Variants in BIRC6 observed in about 807,000 individuals in gnomAD.
BIRC6 encodes dual E2 ubiquitin-conjugating enzyme/E3 ubiquitin-protein ligase BIRC6.
In BIRC6, 98 loss-of-function variants were observed where a neutral mutation model predicts 503.3. That is an observed-to-expected ratio of 0.19 (90% CI 0.17 to 0.23). The LOEUF (loss-of-function observed/expected upper bound fraction) is 0.23, where lower values mean the gene tolerates loss of function less well. Among genes scored for constraint, BIRC6 ranks in the 10% least tolerant of loss-of-function variants. The probability of loss-of-function intolerance (pLI) is 1.00; values close to 1 mark genes in which losing one functional copy is unlikely to be tolerated. For synonymous variants in BIRC6, 2,240 were observed against 2,078.7 expected (o/e 1.08, Z -2.11); for missense variants, 5,360 against 5,806.0 (o/e 0.92, Z 2.50).
chr2:32,607,025 A>T (rs957852032), intron 71 of BIRC6, among the ~76,000 whole-genome samples: 9 of 151,856 alleles, frequency 5.9e-5, no homozygotes, highest in African/African-American at 2.2e-4. Context: ...AAAAAAAAAA[A>T]ATAGTACATG....
At chr2:32,471,147 G>T in intron 32 of BIRC6, 23 bp downstream of exon 32, 1 of 1,552,042 alleles carries the variant, frequency 6.4e-7, no homozygotes, top group South Asian at 1.2e-5. Flanking sequence ...AGAGGTTTCT[G>T]ACAGGTATCA....
In BIRC6 at chr2:32,504,999, C is replaced by G. The variant is rs1255968980; in HGVS notation, c.9500-6C>G. 1 of 1,609,274 alleles carries G rather than the reference C, an allele frequency of 6.2e-7. No individual in the cohort carries two copies. Among genetic ancestry groups the G allele is most frequent in the South Asian group, 1.1e-5 (1 of 90,498 alleles). On this transcript the variant is annotated splice_polypyrimidine_tract_variant and splice_region_variant and intron_variant, in intron 49 of 73. Coordinates refer to ENST00000421745, the MANE Select transcript of BIRC6 (RefSeq NM_016252.4). ...TCTTATAATTTATGTAAAATATCTTCTCTAGGTACAATCACATCTAGCAGT... is the reference window on the plus strand; with the variant it reads ...TCTTATAATTTATGTAAAATATCTTGTCTAGGTACAATCACATCTAGCAGT...
intron 72 of BIRC6, among the ~76,000 whole-genome samples, 162 bp downstream of exon 72, chr2:32,607,805 G>T (rs1041309085): frequency 2.0e-5 from 3 of 151,144 alleles, no homozygotes; most frequent in Non-Finnish European, 2.9e-5. Context: ...TGGCGAAACC[G>T]CATTTCTACT....
chr2:32,459,911 T>C (rs1291669171), intron 23 of BIRC6, among the ~76,000 whole-genome samples: 1 of 151,636 alleles, frequency 6.6e-6, no homozygotes, highest in Non-Finnish European at 1.5e-5. Context: ...TACTGTCACA[T>C]CTGGTGACAG....
Position 32,464,645 on chromosome 2 carries a change from T to C in BIRC6, c.5078T>C (p.Val1693Ala). The change falls in exon 25 of 74, where the codon GTT becomes GCT. Residue 1693 changes from valine (V) to alanine (A), a missense_variant. Physicochemically the swap from Val to Ala is moderately conservative, Grantham distance 64 (BLOSUM62 0). Around this residue, in one of 16 missense-constraint regions of BIRC6, gnomAD observed 2,299 missense variants for 2,267.2 expected, o/e 1.01. Transcript: ENST00000421745. ...APGFFIHPSDVIPPTPKTTPL... is the reference protein window; with the variant it reads ...APGFFIHPSDAIPPTPKTTPL... ...GGATTCTTCATTCATCCATCTGATG[T>C]TATTCCACCCACTCCAAAAACAACA... 1 of 1,613,956 alleles carries C rather than the reference T, an allele frequency of 6.2e-7. No individual in the cohort carries two copies. The highest frequency in any genetic ancestry group is 8.5e-7 in the Non-Finnish European group (1 of 1,179,876).
At chr2:32,591,668 C>G (rs544098568) in intron 66 of BIRC6, among the ~76,000 whole-genome samples, 2 of 152,278 alleles carry the variant, frequency 1.3e-5, no homozygotes, top group East Asian at 3.9e-4. Context: ...TAAGTGAAAT[C>G]TTTATTGAGA....
In BIRC6 at chr2:32,388,947, T is replaced by G. The variant is rs976363448; in HGVS notation, c.839+4T>G. 13 of 1,446,676 alleles carry G rather than the reference T, an allele frequency of 9.0e-6. No homozygotes were observed. Among genetic ancestry groups the G allele is most frequent in the Admixed American group, 4.9e-5 (2 of 41,078 alleles). The allele number at this position is 1,446,676 out of a possible 1,614,324, so 89.6% of individuals were successfully genotyped here. ...GGCCAGGCCGTTCTGTAGACAGGTA[T>G]GAACCTTGCTAACAAAGGTGACAGT... On this transcript the variant is annotated splice_donor_region_variant and intron_variant, in intron 4 of 73. Transcript: ENST00000421745.
rs147651911 is a variant in BIRC6 at position 32,397,574 on chromosome 2, CTGTGTG to C, written c.1034+2007_1034+2012del. Among the ~76,000 whole-genome samples the C allele has an allele frequency of 6.4e-3, 881 of 138,042 alleles. 12 individuals are homozygous for C. The highest frequency in any genetic ancestry group is 0.021 in the African/African-American group (776 of 36,702). 90.6% of individuals were successfully genotyped at this position (138,042 alleles called of 152,430 possible). A position where few individuals can be genotyped will look rare whatever the true frequency, so the allele number is the denominator to read the frequency against. The stretch of plus-strand genomic sequence containing the variant: ...TTGGAATTGTCTTTCCCCGTAAAGG[CTGTGTG>C]TGTGTGTGTGTGTGTGTGTGTGTGT... On this transcript the variant is annotated intron_variant, in intron 6 of 73. Coordinates refer to ENST00000421745, the MANE Select transcript of BIRC6 (RefSeq NM_016252.4).
At chr2:32,473,630 A>G (rs1191543525) in intron 33 of BIRC6, among the ~76,000 whole-genome samples, 1 of 148,472 alleles carries the variant, frequency 6.7e-6, no homozygotes, top group African/African-American at 2.5e-5. Context: ...GCTTCAGGGT[A>G]TTCATCTTCT....
intron 48 of BIRC6, 35 bp downstream of exon 48, chr2:32,502,926 T>C (rs778846927): frequency 6.4e-7 from 1 of 1,556,938 alleles, no homozygotes; most frequent in Non-Finnish European, 8.8e-7. Context: ...CATTTAAGTG[T>C]AGTTATGTGA....
intron 26 of BIRC6, among the ~76,000 whole-genome samples, chr2:32,465,542 T>TA (rs2048453894): frequency 6.6e-6 from 1 of 152,180 alleles, no homozygotes; most frequent in African/African-American, 2.4e-5. Context: ...AACTACTGCT[T>TA]ACTGTAATAA....
chr2:32,529,201 T>A (rs2056530163), intron 59 of BIRC6: 1 of 153,442 alleles, frequency 6.5e-6, no homozygotes, highest in African/African-American at 2.4e-5. Flanking sequence ...ATTACCTAGG[T>A]GATGTGAGTC....
intron 36 of BIRC6, among the ~76,000 whole-genome samples, chr2:32,479,210 A>G (rs2050107674): frequency 6.6e-6 from 1 of 152,212 alleles, no homozygotes; most frequent in South Asian, 2.1e-4. Context: ...AAGCGTGTTA[A>G]TGTATGTACA....
chr2:32,589,695 T>C (rs2061287659), intron 66 of BIRC6, among the ~76,000 whole-genome samples: 1 of 152,204 alleles, frequency 6.6e-6, no homozygotes, highest in African/African-American at 2.4e-5. Flanking sequence ...TAGGCAAATA[T>C]TTATTTTAAC....
intron 71 of BIRC6, among the ~76,000 whole-genome samples, chr2:32,606,515 C>T (rs2062465868): frequency 6.6e-6 from 1 of 152,036 alleles, no homozygotes; most frequent in African/African-American, 2.4e-5. Flanking sequence ...ATCACTTGGA[C>T]CCAGGAGACG....
At chr2:32,426,047 C>G (rs915466543) in intron 10 of BIRC6, among the ~76,000 whole-genome samples, 1 of 152,184 alleles carries the variant, frequency 6.6e-6, no homozygotes, top group Non-Finnish European at 1.5e-5. Context: ...ATAGTTGATT[C>G]CAATCATACT....
At position 32,464,616 on chromosome 2, in the gene BIRC6, C is replaced by T. The variant is rs1281293304; in HGVS notation, c.5049C>T (p.Ala1683=). Residue 1683 remains alanine, a synonymous_variant, in exon 25 of 74, where the codon GCC becomes GCT. Coordinates refer to ENST00000421745, the MANE Select transcript of BIRC6 (RefSeq NM_016252.4). ...CTGTGCCTTCCAACCCAGTGGCTGCCCCTGGATTCTTCATTCATCCATCTG... is the reference window on the plus strand; with the variant it reads ...CTGTGCCTTCCAACCCAGTGGCTGCTCCTGGATTCTTCATTCATCCATCTG... The part of the protein sequence containing the change: ...HNSVPSNPVA[A]PGFFIHPSDV... The T allele has an allele frequency of 1.9e-6, 3 of 1,613,832 alleles. No individual in the cohort carries two copies. The highest frequency in any genetic ancestry group is 2.2e-5 in the East Asian group (1 of 44,898).
chr2:32,514,653 A>G (rs2054821388), intron 54 of BIRC6, among the ~76,000 whole-genome samples: 1 of 152,186 alleles, frequency 6.6e-6, no homozygotes, highest in South Asian at 2.1e-4. Context: ...TAACGTAAAC[A>G]TTTGTTTGGC....
intron 65 of BIRC6, among the ~76,000 whole-genome samples, chr2:32,569,142 A>G (rs1458318958): frequency 6.6e-6 from 1 of 151,980 alleles, no homozygotes; most frequent in Non-Finnish European, 1.5e-5. Context: ...GACACCCACA[A>G]CGAGGCCCAG....
Sources: gnomAD v4.1 joint callset for allele counts (sites outside exome capture counted in the v4.1 genomes callset) on GRCh38, gnomAD v4.1.1 for gene constraint, gnomAD v4.1.1 regional missense constraint, MANE v1.5 for transcripts, NCBI Gene and HGNC (gene_info 2026-07-23, HGNC 2026-07-21) for gene names.